Variants in USP13 observed in about 807,000 individuals in gnomAD.
The protein encoded by USP13 is ubiquitin carboxyl-terminal hydrolase 13.
Under a neutral mutation model 107.8 loss-of-function variants are expected in USP13, and 68 were observed. The observed-to-expected ratio is 0.63, with a 90% CI of 0.52 to 0.77. USP13 has a LOEUF of 0.77. Among genes scored for constraint, USP13 ranks in the 30% least tolerant of loss-of-function variants. USP13 has a pLI of 0.00. For missense variants in USP13, 945 were observed against 1,093.3 expected (o/e 0.86, Z 1.91); for synonymous variants, 377 against 389.5 (o/e 0.97, Z 0.38).
chr3:179,669,790 G>A (rs1720695081), intron 1 of USP13, among the ~76,000 whole-genome samples: 1 of 152,168 alleles, frequency 6.6e-6, no homozygotes, highest in South Asian at 2.1e-4. Flanking sequence ...ATATTAGACA[G>A]TGTGGGTCTA....
At chr3:179,744,997 C>A (rs1434430212) in intron 12 of USP13, 46 bp from the exon 13 acceptor site, 39 of 1,602,006 alleles carry the variant, frequency 2.4e-5, no homozygotes, top group Non-Finnish European at 3.3e-5. Flanking sequence ...TTCATTTCCA[C>A]AGGGTAAGAG....
chr3:179,717,833 G>A (rs868863328), intron 6 of USP13, among the ~76,000 whole-genome samples: 2 of 152,010 alleles, frequency 1.3e-5, no homozygotes, highest in South Asian at 2.1e-4. Context: ...CTTTTGTTTC[G>A]CTTTTGAGAA....
chr3:179,751,790 C>T (rs1256380465), intron 13 of USP13, among the ~76,000 whole-genome samples: 2 of 151,956 alleles, frequency 1.3e-5, no homozygotes, highest in Non-Finnish European at 2.9e-5. Context: ...GTGGCATGAT[C>T]TCAGCTCACT....
chr3:179,780,097 T>C (rs570756188), intron 19 of USP13, among the ~76,000 whole-genome samples: 1 of 152,348 alleles, frequency 6.6e-6, no homozygotes, highest in African/African-American at 2.4e-5. Flanking sequence ...TGATAAAATG[T>C]ATCTACAAAA....
rs1715852155 is a variant in USP13, at chr3:179,784,277, A to T, written c.*136A>T. ...ATTTATCGTTTATTTAAAGAGCACG[A>T]TCAGTTGACACCTTCTGAAATAGAA... On this transcript the variant is annotated 3_prime_UTR_variant, in exon 21 of 21. Coordinates refer to ENST00000263966, the MANE Select transcript of USP13 (RefSeq NM_003940.3). The T allele has an allele frequency of 3.1e-6, 2 of 642,814 alleles. No homozygotes were observed. The highest frequency in any genetic ancestry group is 5.5e-5 in the East Asian group (2 of 36,558). The allele number at this position is 642,814 out of a possible 1,614,324, so 39.8% of individuals were successfully genotyped here. A position where few individuals can be genotyped will look rare whatever the true frequency, so the allele number is the denominator to read the frequency against.
intron 1 of USP13, 45 bp from the exon 2 acceptor site, chr3:179,681,833 T>C (rs1050348076): frequency 6.3e-7 from 1 of 1,590,958 alleles, no homozygotes; most frequent in Non-Finnish European, 8.6e-7. Flanking sequence ...ATCTGACTAC[T>C]GGGCTAGGTG....
intron 3 of USP13, among the ~76,000 whole-genome samples, chr3:179,698,844 AAAT>A (rs1490663204): frequency 2.6e-5 from 4 of 151,070 alleles, no homozygotes; most frequent in African/African-American, 9.7e-5. Flanking sequence ...ACTATGATTT[AAAT>A]AATATTCTAT....
intron 3 of USP13, among the ~76,000 whole-genome samples, chr3:179,699,788 T>G (rs1207877096): frequency 6.8e-6 from 1 of 147,284 alleles, no homozygotes; most frequent in Non-Finnish European, 1.5e-5. Flanking sequence ...TATTTATTTA[T>G]TTTTACTACA....
rs571503587 is a variant in USP13, at chr3:179,770,829, A to G, written c.2413+4981A>G. ...CACCATGTTGGCCAGGATGGTCTCC[A>G]TTTCCCGACCTTGTGATCTGCCTGC... On this transcript the variant is annotated intron_variant, in intron 19 of 20. Coordinates refer to ENST00000263966, the MANE Select transcript of USP13 (RefSeq NM_003940.3). 1.1e-4 allele frequency among the ~76,000 whole-genome samples: 16 copies of G among 152,108 alleles called. No individual in the cohort carries two copies. The South Asian group carries it at 2.3e-3, about 22-fold the overall frequency.
At position 179,701,331 on chromosome 3, in the gene USP13, T is replaced by C. The variant is rs924077037; in HGVS notation, c.477+202T>C. Among the ~76,000 whole-genome samples the C allele has an allele frequency of 2.6e-5, 4 of 152,218 alleles. No homozygotes were observed. In the South Asian group the frequency reaches 8.3e-4, roughly 32 times the overall value. On this transcript the variant is annotated intron_variant, in intron 4 of 20. Transcript: ENST00000263966. ...TTGCCGGCTTACATTTCAGTAGTGC[T>C]GGGCCTTTTGCTGTCTCTTACTTCA... is the stretch of plus-strand genomic sequence containing the variant.
intron 6 of USP13, among the ~76,000 whole-genome samples, chr3:179,715,197 A>G (rs567998031): frequency 4.2e-4 from 60 of 142,874 alleles, no homozygotes; most frequent in Non-Finnish European, 7.3e-4. Flanking sequence ...CTCTCTCTCT[A>G]TTTTTTTAAA....
chr3:179,766,713 G>A (rs949232470), intron 19 of USP13, among the ~76,000 whole-genome samples: 14 of 152,226 alleles, frequency 9.2e-5, no homozygotes, highest in African/African-American at 3.4e-4. Flanking sequence ...TTTTACAGGT[G>A]AGAAAATATA....
At chr3:179,755,098 GCT>G (rs1366671065) in intron 15 of USP13, among the ~76,000 whole-genome samples, 1 of 152,036 alleles carries the variant, frequency 6.6e-6, no homozygotes, top group African/African-American at 2.4e-5. Flanking sequence ...TTTTTTGTAG[GCT>G]CTTAGTCTAG....
chr3:179,704,723 A>G (rs1332685722), intron 4 of USP13, among the ~76,000 whole-genome samples: 1 of 152,212 alleles, frequency 6.6e-6, no homozygotes, highest in Non-Finnish European at 1.5e-5. Context: ...AATGGAAAGA[A>G]AAAGCTAATT....
chr3:179,764,854 T>A (rs1459413217), intron 18 of USP13, among the ~76,000 whole-genome samples: 2 of 152,208 alleles, frequency 1.3e-5, no homozygotes, highest in Non-Finnish European at 2.9e-5. Flanking sequence ...CCTATCCTGA[T>A]GGGGTGCCTG....
chr3:179,720,072 G>C, intron 7 of USP13, 38 bp downstream of exon 7: 1 of 1,533,260 alleles, frequency 6.5e-7, no homozygotes, highest in Non-Finnish European at 9.0e-7. Context: ...ATCTTGCATG[G>C]GGTAGGGGTG....
chr3:179,732,180 G>A (rs144739877), intron 10 of USP13, among the ~76,000 whole-genome samples: 79 of 152,312 alleles, frequency 5.2e-4, no homozygotes, highest in Admixed American at 2.4e-3. Flanking sequence ...AAGATAGCAA[G>A]GTCCTTATCC....
At chr3:179,754,704 A>G in intron 14 of USP13, 28 bp from the exon 15 acceptor site, 1 of 1,608,686 alleles carries the variant, frequency 6.2e-7, no homozygotes, top group Non-Finnish European at 8.5e-7. Context: ...TGGAGAGCCC[A>G]GTGGATATAA....
intron 8 of USP13, among the ~76,000 whole-genome samples, chr3:179,728,032 AC>A (rs1713612323): frequency 3.4e-5 from 1 of 29,540 alleles, no homozygotes; most frequent in African/African-American, 1.1e-4. Flanking sequence ...GCTGATCCCC[AC>A]CACCTCCCTC....
Sources: gnomAD v4.1 joint callset for allele counts (sites outside exome capture counted in the v4.1 genomes callset) on GRCh38, gnomAD v4.1.1 for gene constraint, MANE v1.5 for transcripts, NCBI Gene and HGNC (gene_info 2026-07-23, HGNC 2026-07-21) for gene names.